The following RUNDC3B variants were observed in gnomAD, a reference collection of about 807,000 sequenced individuals.
RUNDC3B encodes the protein RUN domain containing 3B.
Under a neutral mutation model 58.4 loss-of-function variants are expected in RUNDC3B, and 33 were observed. That is an observed-to-expected ratio of 0.56 (90% CI 0.43 to 0.75). RUNDC3B has a LOEUF of 0.75. Ranked by LOEUF, RUNDC3B falls within the 30% of genes least tolerant of loss-of-function variation. The pLI is 0.00. For synonymous variants in RUNDC3B, 193 were observed against 195.2 expected (o/e 0.99, Z 0.10); for missense variants, 501 against 535.7 (o/e 0.94, Z 0.64).
intron 10 of RUNDC3B, among the ~76,000 whole-genome samples, chr7:87,827,960 C>T (rs907754655): frequency 2.0e-5 from 3 of 152,124 alleles, no homozygotes; most frequent in Admixed American, 2.0e-4. Flanking sequence ...CCTGACCATT[C>T]TGGGCAACAC....
intron 6 of RUNDC3B, among the ~76,000 whole-genome samples, chr7:87,755,933 T>C (rs1237334348): frequency 6.6e-6 from 1 of 151,908 alleles, no homozygotes; most frequent in Non-Finnish European, 1.5e-5. Context: ...ATGGAGATAA[T>C]TTACAAGAAG....
intron 4 of RUNDC3B, among the ~76,000 whole-genome samples, chr7:87,737,168 G>C (rs1832035676): frequency 6.6e-6 from 1 of 151,592 alleles, no homozygotes; most frequent in Non-Finnish European, 1.5e-5. Context: ...GAAGTGCTGG[G>C]ATTACAGGCA....
At chr7:87,816,622 C>A (rs989237467) in intron 10 of RUNDC3B, among the ~76,000 whole-genome samples, 3 of 152,192 alleles carry the variant, frequency 2.0e-5, no homozygotes, top group Admixed American at 6.6e-5. Flanking sequence ...AACTTCTCAG[C>A]AGCTTTTGAC....
rs79382811 is a variant in RUNDC3B, at chr7:87,825,432, G to A, written c.1226-4453G>A. Among the ~76,000 whole-genome samples, 1,196 of 152,226 alleles carry A rather than the reference G, an allele frequency of 7.9e-3. 20 individuals carry two copies. Among genetic ancestry groups the A allele is most frequent in the African/African-American group, 0.027 (1,132 of 41,534 alleles). On this transcript the variant is annotated intron_variant, in intron 10 of 10. Transcript: ENST00000394654. Reference sequence around the variant, plus strand: ...GGGAACCTCTGCCTAGATTTCAGAAGATGTAGGGAAATACCTGGATGCCCA... The same window carrying A: ...GGGAACCTCTGCCTAGATTTCAGAAAATGTAGGGAAATACCTGGATGCCCA...
At chr7:87,820,898 A>C (rs1837384080) in intron 10 of RUNDC3B, among the ~76,000 whole-genome samples, 1 of 151,970 alleles carries the variant, frequency 6.6e-6, no homozygotes, top group South Asian at 2.1e-4. Context: ...TCAAAATAAT[A>C]AAGAGCTATC....
chr7:87,747,896 C>T (rs867107740), intron 6 of RUNDC3B, among the ~76,000 whole-genome samples: 6 of 152,174 alleles, frequency 3.9e-5, no homozygotes, highest in Non-Finnish European at 7.3e-5. Flanking sequence ...AAACCTGCCA[C>T]AGGCTACCCG....
At chr7:87,829,356 G>A (rs1301068268) in intron 10 of RUNDC3B, among the ~76,000 whole-genome samples, 2 of 151,992 alleles carry the variant, frequency 1.3e-5, no homozygotes, top group Non-Finnish European at 2.9e-5. Flanking sequence ...TGTTGCAATT[G>A]CTTTTAAGGA....
intron 2 of RUNDC3B, among the ~76,000 whole-genome samples, chr7:87,678,024 G>T (rs1411168995): frequency 6.6e-6 from 1 of 152,110 alleles, no homozygotes; most frequent in Non-Finnish European, 1.5e-5. Flanking sequence ...TAGCAAATCT[G>T]GTCTAAAAGA....
chr7:87,751,240 T>C (rs1028713723), intron 6 of RUNDC3B, among the ~76,000 whole-genome samples: 2 of 152,142 alleles, frequency 1.3e-5, no homozygotes, highest in East Asian at 3.9e-4. Context: ...TTGATCTATA[T>C]CTCTGTTTTG....
intron 9 of RUNDC3B, among the ~76,000 whole-genome samples, chr7:87,810,954 G>A (rs1836681470): frequency 6.6e-6 from 1 of 152,120 alleles, no homozygotes; most frequent in South Asian, 2.1e-4. Context: ...AAGCATGACA[G>A]GCTTACTGTA....
At chr7:87,788,287 G>T (rs1371803652) in intron 8 of RUNDC3B, among the ~76,000 whole-genome samples, 1 of 152,194 alleles carries the variant, frequency 6.6e-6, no homozygotes, top group African/African-American at 2.4e-5. Flanking sequence ...GTTGGGTGTG[G>T]TGCTGTGTGC....
chr7:87,801,240 T>A (rs1836135257), intron 8 of RUNDC3B, among the ~76,000 whole-genome samples: 1 of 152,196 alleles, frequency 6.6e-6, no homozygotes, highest in Admixed American at 6.5e-5. Context: ...GCAGGGTTTT[T>A]CAGGAGTTCC....
At chr7:87,773,094 C>T (rs964951060) in intron 7 of RUNDC3B, among the ~76,000 whole-genome samples, 2 of 151,888 alleles carry the variant, frequency 1.3e-5, no homozygotes, top group African/African-American at 4.8e-5. Context: ...GAGGCCGAGG[C>T]GGGCGGATCA....
At chr7:87,727,202 C>T (rs867555954) in intron 4 of RUNDC3B, among the ~76,000 whole-genome samples, 90 of 152,230 alleles carry the variant, frequency 5.9e-4, no homozygotes, top group African/African-American at 2.0e-3. Flanking sequence ...TTTGCCCATT[C>T]AGTATGATAT....
chr7:87,791,248 A>G (rs1278221209), intron 8 of RUNDC3B, among the ~76,000 whole-genome samples: 3 of 152,154 alleles, frequency 2.0e-5, no homozygotes, highest in Non-Finnish European at 4.4e-5. Flanking sequence ...ATATCCTTCA[A>G]ACATGAAGGA....
intron 2 of RUNDC3B, among the ~76,000 whole-genome samples, chr7:87,696,336 G>A (rs1203854221): frequency 6.6e-6 from 1 of 152,030 alleles, no homozygotes; most frequent in African/African-American, 2.4e-5. Context: ...ATTTTTAAAG[G>A]CATGAGTAGC....
At chr7:87,647,563 A>G (rs1038352927) in intron 1 of RUNDC3B, among the ~76,000 whole-genome samples, 2 of 152,224 alleles carry the variant, frequency 1.3e-5, no homozygotes, top group East Asian at 3.8e-4. Flanking sequence ...TATTTTGTTT[A>G]TAATTAGTAA....
intron 1 of RUNDC3B, among the ~76,000 whole-genome samples, chr7:87,637,003 G>A (rs921730035): frequency 6.6e-6 from 1 of 152,148 alleles, no homozygotes; most frequent in Non-Finnish European, 1.5e-5. Flanking sequence ...ACCAAGCAAA[G>A]GGGGAAGCCC....
chr7:87,779,433 T>G (rs1403011374), intron 8 of RUNDC3B, among the ~76,000 whole-genome samples: 1 of 152,212 alleles, frequency 6.6e-6, no homozygotes, highest in East Asian at 1.9e-4. Flanking sequence ...TTATCCATTC[T>G]TGGCTGGATT....
Sources: allele counts gnomAD v4.1 joint callset (sites outside exome capture counted in the v4.1 genomes callset), GRCh38; gene constraint gnomAD v4.1.1; transcripts MANE v1.5; gene names NCBI Gene and HGNC (gene_info 2026-07-23, HGNC 2026-07-21).